The following GMDS variants were observed in gnomAD, a reference collection of about 807,000 sequenced individuals.
The protein encoded by GMDS is GDP-mannose 4,6 dehydratase.
Under a neutral mutation model 49.9 loss-of-function variants are expected in GMDS, and 20 were observed. That is an observed-to-expected ratio of 0.40 (90% CI 0.28 to 0.58). The LOEUF (loss-of-function observed/expected upper bound fraction) is 0.58. Ranked by LOEUF, GMDS falls within the 20% of genes least tolerant of loss-of-function variation. The pLI, the probability that GMDS is intolerant of heterozygous loss-of-function variation, is 0.42. For synonymous variants in GMDS, 177 were observed against 178.6 expected, an observed-to-expected ratio of 0.99 and a Z score of 0.07; for missense variants, 362 against 481.4, an observed-to-expected ratio of 0.75 and a Z score of 2.32.
At chr6:1,669,137 C>G (rs1376163341) in intron 9 of GMDS, among the ~76,000 whole-genome samples, 2 of 152,208 alleles carry the variant, frequency 1.3e-5, no homozygotes, top group African/African-American at 2.4e-5. Context: ...TATAATTTTT[C>G]TCTGGAAGGA....
At chr6:2,226,062 T>TTA (rs947489401) in intron 1 of GMDS, among the ~76,000 whole-genome samples, 1 of 151,542 alleles carries the variant, frequency 6.6e-6, no homozygotes, top group African/African-American at 2.4e-5. Flanking sequence ...AAGAAAGAAA[T>TTA]GAAATAGAGG....
Position 1,797,324 on chromosome 6 carries a change from T to G in GMDS, c.772-54738A>C, listed in dbSNP as rs534123875. ...TTTAAATGTTATAGCTGGCCTGCTA[T>G]AAGCACAGGTGTATCTGGTAAACTC... is the stretch of plus-strand genomic sequence containing the variant. On this transcript the variant is annotated intron_variant, in intron 7 of 10. Coordinates refer to ENST00000380815, the MANE Select transcript of GMDS (RefSeq NM_001500.4). 3.1e-4 allele frequency among the ~76,000 whole-genome samples: 47 copies of G among 152,346 alleles called. No homozygotes were observed. In the South Asian group the frequency reaches 6.8e-3, roughly 22 times the overall value.
intron 9 of GMDS, among the ~76,000 whole-genome samples, chr6:1,653,837 A>AT (rs1763791065): frequency 6.6e-6 from 1 of 152,234 alleles, no homozygotes; most frequent in South Asian, 2.1e-4. Context: ...ACTTAAATCT[A>AT]TAAAACTCTG....
rs527734297 is a variant in GMDS, at chr6:1,857,794, G to A, written c.771+72309C>T. ...ATTAATAAAAATCATATATATGGCTGCAACCATTCTGACAGTCTAGAAGTT... is the reference window on the plus strand; with the variant it reads ...ATTAATAAAAATCATATATATGGCTACAACCATTCTGACAGTCTAGAAGTT... On this transcript the variant is annotated intron_variant, in intron 7 of 10. Coordinates refer to ENST00000380815, the MANE Select transcript of GMDS (RefSeq NM_001500.4). 4.6e-5 allele frequency among the ~76,000 whole-genome samples: 7 copies of A among 152,302 alleles called. No homozygotes were observed. In the South Asian group the frequency reaches 1.4e-3, roughly 32 times the overall value.
At chr6:2,168,255 C>A (rs1172645976) in intron 1 of GMDS, among the ~76,000 whole-genome samples, 1 of 152,188 alleles carries the variant, frequency 6.6e-6, no homozygotes, top group African/African-American at 2.4e-5. Flanking sequence ...TGAGGGTCTG[C>A]AAACTGCAGG....
At chr6:2,159,087 CA>C (rs1393521733) in intron 1 of GMDS, among the ~76,000 whole-genome samples, 1 of 152,194 alleles carries the variant, frequency 6.6e-6, no homozygotes, top group East Asian at 1.9e-4. Context: ...TCATGAAAGT[CA>C]ACACTTCCAG....
At chr6:2,087,931 T>C (rs1475761818) in intron 4 of GMDS, among the ~76,000 whole-genome samples, 1 of 152,234 alleles carries the variant, frequency 6.6e-6, no homozygotes, top group Non-Finnish European at 1.5e-5. Flanking sequence ...GTTGACATTT[T>C]GTTTATGCCA....
At chr6:2,104,962 C>A (rs1774142427) in intron 4 of GMDS, among the ~76,000 whole-genome samples, 2 of 151,932 alleles carry the variant, frequency 1.3e-5, no homozygotes, top group Admixed American at 1.3e-4. Context: ...GCGGGCAGAT[C>A]ACAAAGTCAG....
chr6:2,089,880 C>T (rs1773220451), intron 4 of GMDS, among the ~76,000 whole-genome samples: 2 of 152,166 alleles, frequency 1.3e-5, no homozygotes, highest in Non-Finnish European at 2.9e-5. Context: ...CACAAAAGTA[C>T]TTTTCCTGTG....
chr6:1,926,577 G>A (rs1256248423), intron 7 of GMDS, among the ~76,000 whole-genome samples: 2 of 152,206 alleles, frequency 1.3e-5, no homozygotes, highest in Admixed American at 1.3e-4. Flanking sequence ...TGATTTCAGT[G>A]TCAGGGTGCA....
chr6:2,070,855 A>G (rs1441812808), intron 4 of GMDS, among the ~76,000 whole-genome samples: 2 of 152,202 alleles, frequency 1.3e-5, no homozygotes, highest in Non-Finnish European at 2.9e-5. Flanking sequence ...ATCAGAGTGT[A>G]TATCATAAAA....
intron 4 of GMDS, among the ~76,000 whole-genome samples, chr6:2,058,789 C>T (rs570009576): frequency 7.9e-5 from 12 of 152,272 alleles, no homozygotes; most frequent in Admixed American, 7.8e-4. Flanking sequence ...TTCCGACCTC[C>T]GATCCATTCT....
chr6:1,952,434 T>G (rs1015147578), intron 6 of GMDS, among the ~76,000 whole-genome samples: 2 of 152,150 alleles, frequency 1.3e-5, no homozygotes, highest in Non-Finnish European at 2.9e-5. Flanking sequence ...GAAGAGCTAA[T>G]GAGCGTGCAT....
intron 9 of GMDS, among the ~76,000 whole-genome samples, chr6:1,691,200 T>C (rs1765157295): frequency 6.6e-6 from 1 of 152,160 alleles, no homozygotes; most frequent in African/African-American, 2.4e-5. Flanking sequence ...TGAGTTCATG[T>C]CCTTTGCAGG....
At chr6:2,195,224 G>A (rs1415101330) in intron 1 of GMDS, among the ~76,000 whole-genome samples, 2 of 152,008 alleles carry the variant, frequency 1.3e-5, no homozygotes, top group Non-Finnish European at 2.9e-5. Context: ...CTGTAGAAGC[G>A]ATAGTACTTA....
intron 7 of GMDS, among the ~76,000 whole-genome samples, chr6:1,848,991 T>G (rs578195414): frequency 6.6e-6 from 1 of 152,154 alleles, no homozygotes; most frequent in African/African-American, 2.4e-5. Flanking sequence ...AACCACTAGA[T>G]GACAGTGGCA....
chr6:2,012,929 C>T (rs768831412), intron 4 of GMDS, among the ~76,000 whole-genome samples: 2 of 152,166 alleles, frequency 1.3e-5, no homozygotes, highest in African/African-American at 2.4e-5. Flanking sequence ...GTCTCCCTAA[C>T]AAAAACTTGC....
chr6:2,078,564 C>T (rs1772482288), intron 4 of GMDS, among the ~76,000 whole-genome samples: 1 of 151,966 alleles, frequency 6.6e-6, no homozygotes, highest in Non-Finnish European at 1.5e-5. Flanking sequence ...TTCCATACAT[C>T]CGTATAGTTT....
At chr6:1,905,233 C>T (rs1318876758) in intron 7 of GMDS, among the ~76,000 whole-genome samples, 1 of 152,260 alleles carries the variant, frequency 6.6e-6, no homozygotes, top group Non-Finnish European at 1.5e-5. Context: ...CCCCTGGTGC[C>T]GAGGGCACTG....
Sources: allele counts gnomAD v4.1 joint callset (sites outside exome capture counted in the v4.1 genomes callset), GRCh38; gene constraint gnomAD v4.1.1; transcripts MANE v1.5; gene names NCBI Gene and HGNC (gene_info 2026-07-23, HGNC 2026-07-21).